The following HLF variants were observed in gnomAD, a reference collection of about 807,000 sequenced individuals.
HLF encodes HLF transcription factor, PAR bZIP family member.
HLF carries 3 observed loss-of-function variants against 22.6 expected under a neutral mutation model. The observed-to-expected ratio is 0.13, with a 90% CI of 0.06 to 0.34. The LOEUF (loss-of-function observed/expected upper bound fraction) is 0.34. Ranked by LOEUF, HLF falls within the 10% of genes least tolerant of loss-of-function variation. The probability of loss-of-function intolerance (pLI) is 1.00; values close to 1 mark genes in which losing one functional copy is unlikely to be tolerated. For missense variants in HLF, 299 were observed against 389.2 expected (o/e 0.77, Z 1.95); for synonymous variants, 151 against 151.8 (o/e 0.99, Z 0.04).
chr17:55,298,463 T>C (rs1488234629), intron 2 of HLF, among the ~76,000 whole-genome samples: 1 of 152,210 alleles, frequency 6.6e-6, no homozygotes, highest in African/African-American at 2.4e-5. Context: ...CTGTGAAATA[T>C]AAAGGCAGAT....
At chr17:55,270,931 C>T (rs897124985) in intron 2 of HLF, among the ~76,000 whole-genome samples, 35 of 152,278 alleles carry the variant, frequency 2.3e-4, no homozygotes, top group South Asian at 1.4e-3. Flanking sequence ...CGTGAGCCAC[C>T]GCGCCCGGCC....
intron 1 of HLF, among the ~76,000 whole-genome samples, chr17:55,266,048 G>C (rs896545235): frequency 3.3e-5 from 5 of 152,212 alleles, no homozygotes; most frequent in Non-Finnish European, 5.9e-5. Flanking sequence ...TGCGTAGCCT[G>C]GGTTTTGGGG....
Position 55,315,271 on chromosome 17 carries a change from C to A in HLF, c.496C>A (p.Pro166Thr). 1 of 1,614,178 alleles carries A rather than the reference C, an allele frequency of 6.2e-7. No homozygotes were observed. The highest frequency in any genetic ancestry group is 8.5e-7 in the Non-Finnish European group (1 of 1,180,012). ...ANRNTPSPID[P>T]DTIQVPVGYE... ...CCGCAATACACCAAGTCCCATTGAT[C>A]CTGACACCATCCAGGTCCCAGTGGG... Residue 166 changes from proline to threonine, a missense_variant, in exon 3 of 4, where the codon CCT becomes ACT. Pro to Thr is a conservative substitution (Grantham distance 38, BLOSUM62 -1). Around this residue, in one of 3 missense-constraint regions of HLF, gnomAD observed 224 missense variants for 298.1 expected, o/e 0.75. Transcript: ENST00000226067.
chr17:55,311,573 CAT>C (rs1485518576), intron 2 of HLF, among the ~76,000 whole-genome samples: 2 of 152,098 alleles, frequency 1.3e-5, no homozygotes, highest in Non-Finnish European at 2.9e-5. Flanking sequence ...TTTAAAAAAT[CAT>C]ATTGTGTGAC....
At chr17:55,289,633 AT>A (rs991129719) in intron 2 of HLF, among the ~76,000 whole-genome samples, 21 of 152,142 alleles carry the variant, frequency 1.4e-4, no homozygotes, top group Non-Finnish European at 2.6e-4. Flanking sequence ...ATACAGAACA[AT>A]TTTTTTAAAT....
chr17:55,306,238 T>G (rs761146652), intron 2 of HLF, among the ~76,000 whole-genome samples: 3 of 152,090 alleles, frequency 2.0e-5, no homozygotes. Flanking sequence ...ATTGCTGATA[T>G]TGATTATTCA....
chr17:55,277,274 T>TGTGC (rs71361764), intron 2 of HLF, among the ~76,000 whole-genome samples: 5,719 of 113,636 alleles, frequency 0.05, 207 homozygotes, highest in East Asian at 0.18. Flanking sequence ...TGTGTGTGTG[T>TGTGC]GCGCGCGCAT....
Position 55,267,961 on chromosome 17 carries a change from A to T in HLF, c.326A>T (p.His109Leu), listed in dbSNP as rs769270551. The change falls in exon 2 of 4, where the codon CAC becomes CTC. Residue 109 changes from histidine (H) to leucine (L), a missense_variant. His to Leu is a moderately conservative substitution (Grantham distance 99, BLOSUM62 -3). Transcript: ENST00000226067. Reference protein sequence around the residue: ...PSPSQHDHSPHPPGLQPASSA... With the variant: ...PSPSQHDHSPLPPGLQPASSA... ...CCATCTCAGCATGACCACAGCCCTC[A>T]CCCTCCTGGGCTGCAGCCAGCTTCC... 1 of 1,613,642 alleles carries T rather than the reference A, an allele frequency of 6.2e-7. No homozygotes were observed. The highest frequency in any genetic ancestry group is 1.7e-5 in the Admixed American group (1 of 59,948).
At chr17:55,265,855 C>T in intron 1 of HLF, 1 of 1,251,328 alleles carries the variant, frequency 8.0e-7, no homozygotes, top group Non-Finnish European at 1.0e-6. Flanking sequence ...GGTCCCGCTC[C>T]TGCGGCGCGG....
chr17:55,276,570 G>A (rs1322948919), intron 2 of HLF, among the ~76,000 whole-genome samples: 1 of 152,190 alleles, frequency 6.6e-6, no homozygotes, highest in Non-Finnish European at 1.5e-5. Context: ...GAGCCAGATT[G>A]GAGAGGTTAA....
At chr17:55,291,874 T>G (rs2081066041) in intron 2 of HLF, among the ~76,000 whole-genome samples, 2 of 152,240 alleles carry the variant, frequency 1.3e-5, no homozygotes, top group Non-Finnish European at 2.9e-5. Context: ...AGGAGTTGAT[T>G]GCAACCCTTA....
intron 2 of HLF, chr17:55,289,070 C>G (rs2081034594): frequency 3.4e-6 from 1 of 296,136 alleles, no homozygotes; most frequent in Non-Finnish European, 5.0e-6. Flanking sequence ...ACTTATGTTT[C>G]TTTGGTTAAT....
At chr17:55,312,594 T>C (rs1256029864) in intron 2 of HLF, among the ~76,000 whole-genome samples, 1 of 152,240 alleles carries the variant, frequency 6.6e-6, no homozygotes. Flanking sequence ...ACTTGAGATA[T>C]GTGGGTAGTA....
chr17:55,320,959 T>A lies in HLF; in HGVS notation c.*80T>A, dbSNP rs1905243299. 4.5e-6 allele frequency: 5 copies of A among 1,103,400 alleles called. No individual in the cohort carries two copies. The Admixed American group carries it at 8.7e-5, about 19-fold the overall frequency. 68.4% of individuals were successfully genotyped at this position (1,103,400 alleles called of 1,614,324 possible). A position where few individuals can be genotyped will look rare whatever the true frequency, so the allele number is the denominator to read the frequency against. On this transcript the variant is annotated 3_prime_UTR_variant, in exon 4 of 4. Transcript: ENST00000226067. This position sits in a 1 kb window ranked among gnomAD's most constrained non-coding sequence, Gnocchi z 4.2. Reference sequence around the variant, plus strand: ...GATAGCACCACACGCAAACCAACCTTTCTGACATCAGCACTTTACCAGAGG... The same window carrying A: ...GATAGCACCACACGCAAACCAACCTATCTGACATCAGCACTTTACCAGAGG...
intron 2 of HLF, among the ~76,000 whole-genome samples, chr17:55,274,171 G>A (rs879872691): frequency 1.3e-5 from 2 of 152,168 alleles, no homozygotes; most frequent in Admixed American, 1.3e-4. Context: ...AGCCAGAGGA[G>A]GGGAAGACAG....
intron 3 of HLF, among the ~76,000 whole-genome samples, chr17:55,316,214 C>A (rs1044139708): frequency 2.0e-5 from 3 of 152,188 alleles, no homozygotes; most frequent in African/African-American, 7.2e-5. Flanking sequence ...CAAAATAGAA[C>A]CATTTCTTAT....
In HLF at chr17:55,324,999, T is replaced by C. The variant is rs1447215113; in HGVS notation, c.*4120T>C. 1 of 227,802 alleles carries C rather than the reference T, an allele frequency of 4.4e-6. No homozygotes were observed. Among genetic ancestry groups the C allele is most frequent in the East Asian group, 6.3e-5 (1 of 15,906 alleles). The allele number at this position is 227,802 out of a possible 1,614,324, so 14.1% of individuals were successfully genotyped here. A position where few individuals can be genotyped will look rare whatever the true frequency, so the allele number is the denominator to read the frequency against. The stretch of plus-strand genomic sequence containing the variant: ...ACCATGATATTGGTGGTATTTATGC[T>C]GTTAAGTCCAAACCTTTATCTGTCT... On this transcript the variant is annotated 3_prime_UTR_variant, in exon 4 of 4. Coordinates refer to ENST00000226067, the MANE Select transcript of HLF (RefSeq NM_002126.5).
rs371070661 is a variant in HLF, at chr17:55,290,725, G to A, written c.451+22639G>A. Among the ~76,000 whole-genome samples the A allele has an allele frequency of 1.1e-3, 166 of 152,278 alleles. 1 individual carries two copies. Among genetic ancestry groups the A allele is most frequent in the Middle Eastern group, 6.8e-3 (2 of 294 alleles). On this transcript the variant is annotated intron_variant, in intron 2 of 3. Coordinates refer to ENST00000226067, the MANE Select transcript of HLF (RefSeq NM_002126.5). ...AAGAGTCGCAGGTCTCTCACTTTAA[G>A]TCAAAAGCTAGAAATGAGTAAGCTT...
rs569611039 is a variant in HLF, at chr17:55,307,171, T to C, written c.452-8056T>C. On this transcript the variant is annotated intron_variant, in intron 2 of 3. Coordinates refer to ENST00000226067, the MANE Select transcript of HLF (RefSeq NM_002126.5). ...CCTTTTTTTTTTTTTTTTTTTTTTTTGAGACGGAGTCTGGTTCTGTCACCC... is the reference window on the plus strand; with the variant it reads ...CCTTTTTTTTTTTTTTTTTTTTTTTCGAGACGGAGTCTGGTTCTGTCACCC... 1.2e-4 allele frequency among the ~76,000 whole-genome samples: 17 copies of C among 138,716 alleles called. No individual in the cohort carries two copies. In the East Asian group the frequency reaches 3.3e-3, roughly 27 times the overall value. The allele number at this position is 138,716 out of a possible 152,430, so 91.0% of individuals were successfully genotyped here.
Sources: gnomAD v4.1 joint callset for allele counts (sites outside exome capture counted in the v4.1 genomes callset) on GRCh38, gnomAD v4.1.1 for gene constraint, gnomAD v4.1.1 regional missense constraint, Gnocchi (gnomAD v3.1) non-coding constraint, MANE v1.5 for transcripts, NCBI Gene and HGNC (gene_info 2026-07-23, HGNC 2026-07-21) for gene names.